The following FRY variants were observed in gnomAD, a reference collection of about 807,000 sequenced individuals.
FRY encodes protein furry homolog.
Under a neutral mutation model 348.4 loss-of-function variants are expected in FRY, and 128 were observed. The ratio of observed to expected loss-of-function variants is 0.37; its 90% CI spans 0.32 to 0.43. The LOEUF is 0.43. Among genes scored for constraint, FRY ranks in the 20% least tolerant of loss-of-function variants. The probability of loss-of-function intolerance (pLI) is 1.00; values close to 1 mark genes in which losing one functional copy is unlikely to be tolerated. For synonymous variants in FRY, 1,370 were observed against 1,374.7 expected, an observed-to-expected ratio of 1.00 and a Z score of 0.08; for missense variants, 2,736 against 3,695.2, an observed-to-expected ratio of 0.74 and a Z score of 6.73.
intron 46 of FRY, among the ~76,000 whole-genome samples, chr13:32,242,638 A>G (rs930368770): frequency 2.0e-5 from 3 of 152,112 alleles, no homozygotes; most frequent in Non-Finnish European, 4.4e-5. Flanking sequence ...GGGTTCACAC[A>G]GTTCTCCTGC....
At chr13:32,208,259 A>G (rs769032478) in intron 31 of FRY, among the ~76,000 whole-genome samples, 4 of 152,242 alleles carry the variant, frequency 2.6e-5, no homozygotes, top group Non-Finnish European at 4.4e-5. Context: ...TGTTTCATGG[A>G]AGACACTTTG....
At chr13:32,207,917 G>A (rs1884447771) in intron 31 of FRY, among the ~76,000 whole-genome samples, 1 of 152,142 alleles carries the variant, frequency 6.6e-6, no homozygotes, top group African/African-American at 2.4e-5. Context: ...TTTCCCTGAG[G>A]ATAAAATACC....
chr13:32,227,209 A>G (rs1008108466), intron 39 of FRY, among the ~76,000 whole-genome samples: 1 of 152,236 alleles, frequency 6.6e-6, no homozygotes, highest in Non-Finnish European at 1.5e-5. Context: ...GACACAGGGA[A>G]TAGGTGTACA....
intron 50 of FRY, among the ~76,000 whole-genome samples, chr13:32,252,268 A>T (rs1038131915): frequency 6.6e-6 from 1 of 152,016 alleles, no homozygotes; most frequent in Non-Finnish European, 1.5e-5. Flanking sequence ...GATAATCTCC[A>T]CTGACCACCA....
intron 14 of FRY, among the ~76,000 whole-genome samples, chr13:32,152,825 C>G (rs1193196493): frequency 6.6e-6 from 1 of 152,014 alleles, no homozygotes; most frequent in East Asian, 1.9e-4. Context: ...AAGTGGAGAG[C>G]CACAGACTGG....
intron 1 of FRY, among the ~76,000 whole-genome samples, chr13:32,075,008 C>T (rs1345642401): frequency 6.6e-6 from 1 of 152,316 alleles, no homozygotes; most frequent in East Asian, 1.9e-4. Flanking sequence ...GAAGTTGATT[C>T]AGTCATTGCA....
intron 2 of FRY, among the ~76,000 whole-genome samples, chr13:32,095,515 T>C (rs1282958640): frequency 6.6e-6 from 1 of 152,012 alleles, no homozygotes; most frequent in Non-Finnish European, 1.5e-5. Flanking sequence ...CCAGCTAATT[T>C]TGTATTTTTG....
intron 29 of FRY, among the ~76,000 whole-genome samples, chr13:32,195,401 CT>C (rs962332383): frequency 2.6e-5 from 4 of 151,846 alleles, no homozygotes; most frequent in Non-Finnish European, 5.9e-5. Context: ...GTCCAGAGTG[CT>C]TTTTTTTAAA....
chr13:32,220,984 G>T (rs1217734128), intron 36 of FRY, among the ~76,000 whole-genome samples: 4 of 152,170 alleles, frequency 2.6e-5, no homozygotes, highest in African/African-American at 9.7e-5. Context: ...GGCTAAAATT[G>T]TTGTGGCCAA....
chr13:32,117,620 C>A, intron 4 of FRY, 147 bp downstream of exon 4: 1 of 777,794 alleles, frequency 1.3e-6, no homozygotes, highest in Non-Finnish European at 2.2e-6. Flanking sequence ...GTGTCTGTAG[C>A]AGGTAACCCA....
intron 34 of FRY, among the ~76,000 whole-genome samples, chr13:32,211,551 C>T (rs1321824758): frequency 1.3e-5 from 2 of 152,178 alleles, no homozygotes; most frequent in East Asian, 3.8e-4. Context: ...CAAGCATCCT[C>T]CATCACAGAA....
intron 1 of FRY, among the ~76,000 whole-genome samples, chr13:32,047,583 G>A (rs1208225): frequency 6.8e-6 from 1 of 148,132 alleles, no homozygotes; most frequent in African/African-American, 2.5e-5. Context: ...TTTTTTTTTG[G>A]GGGGGGTGCA....
chr13:32,163,305 G>A (rs981483410), intron 17 of FRY, among the ~76,000 whole-genome samples: 1 of 152,200 alleles, frequency 6.6e-6, no homozygotes, highest in Non-Finnish European at 1.5e-5. Context: ...CAGGACACGA[G>A]AATGGGAAGA....
chr13:32,203,013 G>T (rs898185107), intron 31 of FRY, among the ~76,000 whole-genome samples: 3 of 151,990 alleles, frequency 2.0e-5, no homozygotes, highest in African/African-American at 7.3e-5. Flanking sequence ...ATTACTGTGG[G>T]CTAGATCCAG....
At chr13:32,046,465 T>G (rs1873021236) in intron 1 of FRY, among the ~76,000 whole-genome samples, 1 of 152,206 alleles carries the variant, frequency 6.6e-6, no homozygotes, top group Admixed American at 6.5e-5. Flanking sequence ...AGCCTCCATC[T>G]CCTCTACTTT....
intron 11 of FRY, among the ~76,000 whole-genome samples, chr13:32,141,657 CA>C (rs1880080304): frequency 6.6e-6 from 1 of 152,214 alleles, no homozygotes; most frequent in South Asian, 2.1e-4. Context: ...TGCAAATAGT[CA>C]GCTGACGGAC....
rs1024807634 is a variant in FRY, at chr13:32,237,662, T to C, written c.6094T>C (p.Ser2032Pro). Reference protein sequence around the residue: ...SSLKDSLTDPSHINHPTNLLA... With the variant: ...SSLKDSLTDPPHINHPTNLLA... ...CTTGAAGGACAGTCTCACGGACCCA[T>C]CCCACATAAACCATCCCACCAACCT... is the stretch of plus-strand genomic sequence containing the variant. Residue 2032 changes from serine to proline, a missense_variant, in exon 44 of 61, where the codon TCC becomes CCC. By Grantham distance (74) the Ser-to-Pro change is moderately conservative (BLOSUM62 -1). Around this residue, in one of 9 missense-constraint regions of FRY, gnomAD observed 789 missense variants for 996.2 expected, o/e 0.79. Transcript: ENST00000542859. This position sits in a 1 kb window ranked among gnomAD's most constrained non-coding sequence, Gnocchi z 6.3. 1 of 1,614,142 alleles carries C rather than the reference T, an allele frequency of 6.2e-7. No individual in the cohort carries two copies. The highest frequency in any genetic ancestry group is 8.5e-7 in the Non-Finnish European group (1 of 1,180,008).
At chr13:32,111,686 G>A (rs916723311) in intron 3 of FRY, among the ~76,000 whole-genome samples, 3 of 152,150 alleles carry the variant, frequency 2.0e-5, no homozygotes, top group Admixed American at 2.0e-4. Flanking sequence ...ACCAAATGAA[G>A]TACAGGAGCT....
In FRY at chr13:32,237,924, A is replaced by G; in HGVS notation, c.6356A>G (p.Gln2119Arg). The part of the protein sequence containing the change: ...TSLTTTDLTL[Q>R]LFSLLTPVSK... ...CTCACCACCACAGACCTGACCCTGC[A>G]GCTCTTCAGTCTGCTGACACCAGTG... is the stretch of plus-strand genomic sequence containing the variant. Residue 2119 changes from glutamine (Q) to arginine (R), a missense_variant, in exon 44 of 61, where the codon CAG becomes CGG. Physicochemically the swap from Gln to Arg is conservative, Grantham distance 43. This residue lies in a region of FRY where 789 missense variants were observed against 996.2 expected (regional missense o/e 0.79). Coordinates refer to ENST00000542859, the MANE Select transcript of FRY (RefSeq NM_023037.3). The surrounding 1 kb of genome is among the most constrained non-coding windows in gnomAD (Gnocchi z 6.3). 6.2e-7 allele frequency: 1 copy of G among 1,614,124 alleles called. No individual in the cohort carries two copies. Among genetic ancestry groups the G allele is most frequent in the South Asian group, 1.1e-5 (1 of 91,080 alleles).
Sources: allele counts gnomAD v4.1 joint callset (sites outside exome capture counted in the v4.1 genomes callset), GRCh38; gene constraint gnomAD v4.1.1; regional missense constraint gnomAD v4.1.1; non-coding constraint Gnocchi (gnomAD v3.1); transcripts MANE v1.5; gene names NCBI Gene and HGNC (gene_info 2026-07-23, HGNC 2026-07-21).